ELOVL2: variants seen among roughly 807,000 people sequenced by gnomAD.
ELOVL2 encodes very long chain fatty acid elongase 2.
Under a neutral mutation model 37.7 loss-of-function variants are expected in ELOVL2, and 38 were observed. The observed-to-expected ratio is 1.01, with a 90% CI of 0.78 to 1.32. The LOEUF is 1.32. ELOVL2 is among the 40% of genes most tolerant of loss of function. ELOVL2 has a pLI of 0.00. For missense variants in ELOVL2, 352 were observed against 363.6 expected (o/e 0.97, Z 0.26); for synonymous variants, 115 against 122.3 (o/e 0.94, Z 0.40).
At chr6:11,005,707 C>T in intron 2 of ELOVL2, 148 bp from the exon 3 acceptor site, 1 of 649,684 alleles carries the variant, frequency 1.5e-6, no homozygotes, top group Non-Finnish European at 2.5e-6. Flanking sequence ...GTTTAGAGTT[C>T]AGGGGAAGAG....
intron 1 of ELOVL2, among the ~76,000 whole-genome samples, chr6:11,038,027 T>C (rs1420286881): frequency 2.6e-5 from 4 of 152,194 alleles, no homozygotes; most frequent in Non-Finnish European, 4.4e-5. Context: ...GCTAAGGCTA[T>C]ATGGAATAGC....
Position 10,990,576 on chromosome 6 carries a change from A to G in ELOVL2, c.506-134T>C, listed in dbSNP as rs190974394. The stretch of plus-strand genomic sequence containing the variant: ...ATGACATGATCATATAACAAAATCC[A>G]CACTAATAAATTCCCCAATTACTGT... On this transcript the variant is annotated intron_variant, in intron 5 of 7. Coordinates refer to ENST00000354666, the MANE Select transcript of ELOVL2 (RefSeq NM_017770.4). 3,010 of 801,982 alleles carry G rather than the reference A, an allele frequency of 3.8e-3. 12 individuals are homozygous for G. Among genetic ancestry groups the G allele is most frequent in the Non-Finnish European group, 4.5e-3 (2,524 of 563,012 alleles). 49.7% of individuals were successfully genotyped at this position (801,982 alleles called of 1,614,324 possible). A position where few individuals can be genotyped will look rare whatever the true frequency, so the allele number is the denominator to read the frequency against.
chr6:11,010,763 T>G lies in ELOVL2; in HGVS notation c.50A>C (p.Asn17Thr). Residue 17 changes from asparagine to threonine, a missense_variant, in exon 2 of 8, where the codon AAT (asparagine) becomes ACT (threonine). Coordinates refer to ENST00000354666, the MANE Select transcript of ELOVL2 (RefSeq NM_017770.4). ...TCACTGACCTCGCGGTCCAAACATATTGTCCAAAAAAGCATTGATTTCATC... is the reference window on the plus strand; with the variant it reads ...TCACTGACCTCGCGGTCCAAACATAGTGTCCAAAAAAGCATTGATTTCATC... The part of the protein sequence containing the change: ...FDDEINAFLD[N>T]MFGPRDSRVR... 11 of 1,612,876 alleles carry G rather than the reference T, an allele frequency of 6.8e-6. No individual in the cohort carries two copies. The highest frequency in any genetic ancestry group is 9.3e-6 in the Non-Finnish European group (11 of 1,179,642).
chr6:11,017,862 T>C (rs991612279), intron 1 of ELOVL2, among the ~76,000 whole-genome samples: 7 of 152,214 alleles, frequency 4.6e-5, no homozygotes, highest in Admixed American at 6.5e-5. Context: ...CCAAGAACAA[T>C]GCCTGGCACA....
intron 4 of ELOVL2, among the ~76,000 whole-genome samples, chr6:10,996,628 C>T (rs1782273253): frequency 6.6e-6 from 1 of 151,768 alleles, no homozygotes; most frequent in Non-Finnish European, 1.5e-5. Flanking sequence ...CGAGATCACG[C>T]CACTGCACTC....
chr6:11,017,730 A>C (rs1372045658), intron 1 of ELOVL2, among the ~76,000 whole-genome samples: 3 of 152,136 alleles, frequency 2.0e-5, no homozygotes, highest in Admixed American at 2.0e-4. Flanking sequence ...GCAGTCATTC[A>C]CCATCGCCTG....
chr6:11,044,213 C>T lies in ELOVL2; in HGVS notation c.3+15G>A, dbSNP rs1480434022. ...AAGCGCGGCGGTGTCGGTGGCGGCG[C>T]GCGGCCCCACTCACCATGATCCGCA... On this transcript the variant is annotated intron_variant, in intron 1 of 7. Transcript: ENST00000354666. The surrounding 1 kb of genome is among the most constrained non-coding windows in gnomAD (Gnocchi z 5.6). 1.4e-6 allele frequency: 2 copies of T among 1,442,748 alleles called. No homozygotes were observed. The highest frequency in any genetic ancestry group is 1.8e-6 in the Non-Finnish European group (2 of 1,096,076). 89.4% of individuals were successfully genotyped at this position (1,442,748 alleles called of 1,614,324 possible).
chr6:11,032,809 T>C (rs925805785), intron 1 of ELOVL2, among the ~76,000 whole-genome samples: 2 of 152,124 alleles, frequency 1.3e-5, no homozygotes, highest in Admixed American at 1.3e-4. Context: ...TAAACAAAGA[T>C]AAACAAGTAA....
intron 5 of ELOVL2, among the ~76,000 whole-genome samples, chr6:10,992,438 A>C (rs1782179285): frequency 6.6e-6 from 1 of 152,250 alleles, no homozygotes; most frequent in Non-Finnish European, 1.5e-5. Context: ...TGTAGGTCAT[A>C]ACTGACCCAT....
intron 1 of ELOVL2, among the ~76,000 whole-genome samples, chr6:11,011,478 A>C (rs768183361): frequency 1.3e-5 from 2 of 152,226 alleles, no homozygotes; most frequent in Non-Finnish European, 2.9e-5. Flanking sequence ...TTACAATAAC[A>C]GTTGTGGGTA....
At chr6:11,043,471 C>CACACACACACACACACA (rs3839416) in intron 1 of ELOVL2, 2,530 of 140,606 alleles carry the variant, frequency 0.018, 149 homozygotes, top group African/African-American at 0.064. Context: ...CGGGTGAACA[C>CACACACACACACACACA]ACACACACAC....
intron 4 of ELOVL2, among the ~76,000 whole-genome samples, chr6:10,996,703 C>T (rs545803916): frequency 6.7e-6 from 1 of 149,596 alleles, no homozygotes; most frequent in African/African-American, 2.5e-5. Flanking sequence ...CTTGACTGGG[C>T]GTGGAGGCTC....
intron 1 of ELOVL2, among the ~76,000 whole-genome samples, chr6:11,038,878 T>G (rs113167990): frequency 1.7e-3 from 258 of 152,342 alleles, no homozygotes; most frequent in African/African-American, 5.8e-3. Context: ...AATGATTAAA[T>G]GGTTCCAAGT....
At chr6:11,034,968 A>C (rs1017802991) in intron 1 of ELOVL2, among the ~76,000 whole-genome samples, 2 of 152,202 alleles carry the variant, frequency 1.3e-5, no homozygotes, top group Admixed American at 6.5e-5. Flanking sequence ...ACACCACTGC[A>C]CTCTAGCCTG....
At chr6:11,003,291 C>T (rs1480760702) in intron 3 of ELOVL2, among the ~76,000 whole-genome samples, 2 of 152,192 alleles carry the variant, frequency 1.3e-5, no homozygotes, top group Admixed American at 1.3e-4. Context: ...TGTCCCAGTG[C>T]TCTCCCTACC....
chr6:10,993,198 A>G (rs1274228698), intron 5 of ELOVL2, among the ~76,000 whole-genome samples: 1 of 152,244 alleles, frequency 6.6e-6, no homozygotes, highest in Admixed American at 6.5e-5. Context: ...GCAACAAAAT[A>G]GGTAACTTGA....
At chr6:11,027,868 C>G (rs1247362702) in intron 1 of ELOVL2, among the ~76,000 whole-genome samples, 1 of 152,218 alleles carries the variant, frequency 6.6e-6, no homozygotes, top group Non-Finnish European at 1.5e-5. Flanking sequence ...AGGACATGAG[C>G]TCCAGACTCT....
intron 1 of ELOVL2, among the ~76,000 whole-genome samples, chr6:11,028,946 G>A (rs1442238786): frequency 1.3e-5 from 2 of 151,508 alleles, no homozygotes; most frequent in Non-Finnish European, 2.9e-5. Flanking sequence ...CTCATTCATG[G>A]GGTGATTATT....
chr6:11,035,650 GA>G (rs1248055374), intron 1 of ELOVL2, among the ~76,000 whole-genome samples: 2 of 152,186 alleles, frequency 1.3e-5, no homozygotes, highest in African/African-American at 4.8e-5. Context: ...GTAGGGTCTA[GA>G]TTTTTTTGTC....
Sources: allele counts gnomAD v4.1 joint callset (sites outside exome capture counted in the v4.1 genomes callset), GRCh38; gene constraint gnomAD v4.1.1; non-coding constraint Gnocchi (gnomAD v3.1); transcripts MANE v1.5; gene names NCBI Gene and HGNC (gene_info 2026-07-23, HGNC 2026-07-21).